C1orf87: variants seen among roughly 807,000 people sequenced by gnomAD.
C1orf87 encodes uncharacterized protein C1orf87.
Under a neutral mutation model 60.5 loss-of-function variants are expected in C1orf87, and 58 were observed. That is an observed-to-expected ratio of 0.96 (90% CI 0.78 to 1.19). The LOEUF is 1.19. Ranked by LOEUF, C1orf87 falls within the 50% of genes most tolerant of loss-of-function variation. The probability of loss-of-function intolerance (pLI) is 0.00; values close to 1 mark genes in which losing one functional copy is unlikely to be tolerated. For synonymous variants in C1orf87, 236 were observed against 227.4 expected, an observed-to-expected ratio of 1.04 and a Z score of -0.34; for missense variants, 673 against 638.6, an observed-to-expected ratio of 1.05 and a Z score of -0.58.
chr1:60,064,889 A>C, intron 2 of C1orf87, among the ~76,000 whole-genome samples: 1 of 92,880 alleles, frequency 1.1e-5, no homozygotes, highest in African/African-American at 4.4e-5. Flanking sequence ...GTTCTAAATA[A>C]ATATATATTC....
In C1orf87 at chr1:60,054,933, C is replaced by T. The variant is rs1574324647; in HGVS notation, c.342+271G>A. On this transcript the variant is annotated intron_variant, in intron 3 of 11. Transcript: ENST00000371201. ...ACAACACTGAGTATCACTGAGCTAA[C>T]CACAGGCAGAATAGGTTGACCAACT... Among the ~76,000 whole-genome samples, 6 of 152,246 alleles carry T rather than the reference C, an allele frequency of 3.9e-5. 1 individual carries two copies. Among genetic ancestry groups the T allele is most frequent in the Admixed American group, 3.9e-4 (6 of 15,298 alleles).
Position 59,990,673 on chromosome 1 carries a change from T to C in C1orf87, c.1641A>G (p.Ter547TrpextTer1), listed in dbSNP as rs946102919. 1 of 1,613,854 alleles carries C rather than the reference T, an allele frequency of 6.2e-7. No individual in the cohort carries two copies. Among genetic ancestry groups the C allele is most frequent in the Non-Finnish European group, 8.5e-7 (1 of 1,179,868 alleles). ...EPALRYLKEL[*>W] The stretch of plus-strand genomic sequence containing the variant: ...CTGTTCTCACAATATGGGCTTGTTA[T>C]CATAGCTCCTTTAAGTACCGCAGTG... The change falls in exon 12 of 12, where the codon TGA becomes TGG. Residue 547 changes from the stop codon to tryptophan, a stop_lost. Coordinates refer to ENST00000371201, the MANE Select transcript of C1orf87 (RefSeq NM_152377.3).
chr1:60,030,499 G>A (rs978284201), intron 7 of C1orf87, among the ~76,000 whole-genome samples: 3 of 152,188 alleles, frequency 2.0e-5, no homozygotes, highest in Non-Finnish European at 2.9e-5. Flanking sequence ...CAATGATGAG[G>A]AAGCTACATG....
At chr1:60,054,019 T>C (rs1645434541) in intron 3 of C1orf87, among the ~76,000 whole-genome samples, 1 of 152,206 alleles carries the variant, frequency 6.6e-6, no homozygotes, top group African/African-American at 2.4e-5. Context: ...ACCAAGGCCA[T>C]TCTTTGGGAG....
At chr1:60,042,521 C>A (rs1008526984) in intron 3 of C1orf87, among the ~76,000 whole-genome samples, 9 of 152,178 alleles carry the variant, frequency 5.9e-5, no homozygotes, top group Non-Finnish European at 1.3e-4. Flanking sequence ...AACCAAGACG[C>A]TCTCTAGAGT....
chr1:60,032,005 T>TACAC (rs201766677), intron 7 of C1orf87, among the ~76,000 whole-genome samples: 28 of 138,414 alleles, frequency 2.0e-4, no homozygotes, highest in Middle Eastern at 3.6e-3. Context: ...CACACACACA[T>TACAC]ACACACACAC....
rs1048931892 is a variant in C1orf87, at chr1:60,046,226, C to A, written c.343-5095G>T. ...TCCTTCCCCTTCTCCTCCTCCTCCT[C>A]CCCCTCCCCTTCCTTCCTTCCTTCC... is the stretch of plus-strand genomic sequence containing the variant. On this transcript the variant is annotated intron_variant, in intron 3 of 11. Transcript: ENST00000371201. Among the ~76,000 whole-genome samples the A allele has an allele frequency of 4.3e-5, 6 of 138,136 alleles. No homozygotes were observed. The South Asian group carries it at 1.4e-3, about 31-fold the overall frequency. 90.6% of individuals were successfully genotyped at this position (138,136 alleles called of 152,430 possible).
chr1:60,046,416 T>C, intron 3 of C1orf87, among the ~76,000 whole-genome samples: 1 of 128,974 alleles, frequency 7.8e-6, no homozygotes, highest in South Asian at 3.2e-4. Context: ...CTCCCCTCCC[T>C]CCCTTCCTCC....
intron 9 of C1orf87, among the ~76,000 whole-genome samples, chr1:60,005,808 T>TC (rs1347949398): frequency 6.7e-6 from 1 of 148,448 alleles, no homozygotes; most frequent in African/African-American, 2.6e-5. Context: ...AGCATTCTTT[T>TC]TTTTTTTTTT....
chr1:60,044,096 C>A (rs1475680081), intron 3 of C1orf87, among the ~76,000 whole-genome samples: 1 of 152,212 alleles, frequency 6.6e-6, no homozygotes, highest in African/African-American at 2.4e-5. Context: ...GTGGCGTGAT[C>A]TCGGCTCACT....
intron 9 of C1orf87, among the ~76,000 whole-genome samples, chr1:60,004,880 G>C (rs146213964): frequency 7.0e-6 from 1 of 142,296 alleles, no homozygotes; most frequent in Non-Finnish European, 1.6e-5. Context: ...CTAATGACTT[G>C]AAATCAGTAG....
At chr1:60,057,699 A>G (rs1645466802) in intron 2 of C1orf87, among the ~76,000 whole-genome samples, 1 of 152,188 alleles carries the variant, frequency 6.6e-6, no homozygotes, top group Admixed American at 6.5e-5. Context: ...AATTGCTGAC[A>G]GCTTGAATTT....
chr1:59,990,621 G>C lies in C1orf87; in HGVS notation c.*52C>G. On this transcript the variant is annotated 3_prime_UTR_variant, in exon 12 of 12. Coordinates refer to ENST00000371201, the MANE Select transcript of C1orf87 (RefSeq NM_152377.3). Reference sequence around the variant, plus strand: ...TTAGGCTGGGGAGAAACATGTGTCTGGGTAAAAAGGGAGATAAGGGAAACA... The same window carrying C: ...TTAGGCTGGGGAGAAACATGTGTCTCGGTAAAAAGGGAGATAAGGGAAACA... 2 of 1,590,432 alleles carry C rather than the reference G, an allele frequency of 1.3e-6. No individual in the cohort carries two copies. The highest frequency in any genetic ancestry group is 1.1e-5 in the South Asian group (1 of 89,400).
chr1:60,008,671 A>T (rs41287724), intron 9 of C1orf87: 103 of 456,144 alleles, frequency 2.3e-4, no homozygotes, highest in Non-Finnish European at 4.1e-4. Flanking sequence ...AGCTACTGCT[A>T]TAATGTTTTT....
At chr1:60,073,542 G>A (rs1467156060) in intron 1 of C1orf87, 148 bp downstream of exon 1, 2 of 152,338 alleles carry the variant, frequency 1.3e-5, no homozygotes, top group Non-Finnish European at 2.9e-5. Context: ...CCTGTGCTAG[G>A]GCAGCCCCTC....
intron 2 of C1orf87, 22 bp from the exon 3 acceptor site, chr1:60,055,460 C>T (rs865896304): frequency 6.9e-6 from 11 of 1,604,148 alleles, no homozygotes; most frequent in Non-Finnish European, 9.4e-6. Flanking sequence ...GAATTGTATA[C>T]TTTGTTACTT....
chr1:60,040,286 G>A (rs1234946047), intron 4 of C1orf87, 106 bp from the exon 5 acceptor site: 33 of 1,404,116 alleles, frequency 2.4e-5, no homozygotes, highest in South Asian at 2.8e-5. Flanking sequence ...GTGTCCACTC[G>A]CAGTCCTGGC....
At chr1:60,027,401 A>G (rs1460395029) in intron 7 of C1orf87, among the ~76,000 whole-genome samples, 2 of 152,126 alleles carry the variant, frequency 1.3e-5, no homozygotes, top group Non-Finnish European at 2.9e-5. Flanking sequence ...TCTCATGCCC[A>G]CATTCCCCTC....
chr1:60,035,047 C>T (rs906873455), intron 6 of C1orf87, among the ~76,000 whole-genome samples: 8 of 151,980 alleles, frequency 5.3e-5, no homozygotes, highest in African/African-American at 1.9e-4. Flanking sequence ...ATAGTGGGCA[C>T]GTGCATTTAT....
Sources: gnomAD v4.1 joint callset for allele counts (sites outside exome capture counted in the v4.1 genomes callset) on GRCh38, gnomAD v4.1.1 for gene constraint, MANE v1.5 for transcripts, NCBI Gene and HGNC (gene_info 2026-07-23, HGNC 2026-07-21) for gene names.